Variants in SORCS3 observed in about 807,000 individuals in gnomAD.
The protein encoded by SORCS3 is sortilin related VPS10 domain containing receptor 3, also known as VPS10 domain-containing receptor SorCS3.
SORCS3 carries 57 observed loss-of-function variants against 146.3 expected under a neutral mutation model. The observed-to-expected ratio is 0.39, with a 90% CI of 0.31 to 0.49. The LOEUF (loss-of-function observed/expected upper bound fraction) is 0.49. Ranked by LOEUF, SORCS3 falls within the 20% of genes least tolerant of loss-of-function variation. SORCS3 has a pLI of 0.92. For synonymous variants in SORCS3, 653 were observed against 618.5 expected (o/e 1.06, Z -0.83); for missense variants, 1,341 against 1,575.5 (o/e 0.85, Z 2.52).
chr10:104,866,156 G>T (rs548767380), intron 2 of SORCS3, among the ~76,000 whole-genome samples: 1 of 152,308 alleles, frequency 6.6e-6, no homozygotes, highest in African/African-American at 2.4e-5. Context: ...TAGTTTTCAT[G>T]TTCAGGTACT....
chr10:105,236,152 A>G (rs2056791985), intron 20 of SORCS3, among the ~76,000 whole-genome samples: 1 of 152,126 alleles, frequency 6.6e-6, no homozygotes, highest in South Asian at 2.1e-4. Flanking sequence ...CCAGGAAAAC[A>G]GAAGGATAGG....
intron 2 of SORCS3, among the ~76,000 whole-genome samples, chr10:104,883,977 A>G (rs10884062): frequency 0.45 from 66,345 of 146,474 alleles, 17,004 homozygotes; most frequent in African/African-American, 0.73. Context: ...CTGTGGAATG[A>G]GGGGGGGGAA....
intron 1 of SORCS3, among the ~76,000 whole-genome samples, chr10:104,735,456 G>GCTTTTTTTTTTTTTTTTTTTTTT (rs2016757194): frequency 2.9e-5 from 1 of 34,994 alleles, no homozygotes; most frequent in Non-Finnish European, 4.8e-5. Context: ...CTCACCGTCT[G>GCTTTTTTTTTTTTTTTTTTTTTT]TTTTTTTTTT....
chr10:105,079,210 C>T (rs2055607639), intron 5 of SORCS3, among the ~76,000 whole-genome samples: 2 of 152,186 alleles, frequency 1.3e-5, no homozygotes, highest in African/African-American at 4.8e-5. Context: ...ATGCTAGCTG[C>T]TACAATCAGA....
At chr10:104,695,347 G>C (rs2016162128) in intron 1 of SORCS3, among the ~76,000 whole-genome samples, 2 of 151,582 alleles carry the variant, frequency 1.3e-5, no homozygotes. Context: ...TTTGCTGGGG[G>C]GTTAGGAAAC....
intron 6 of SORCS3, among the ~76,000 whole-genome samples, chr10:105,099,930 C>A (rs1355976119): frequency 6.6e-6 from 1 of 152,168 alleles, no homozygotes; most frequent in East Asian, 1.9e-4. Flanking sequence ...CTTCCTGGAA[C>A]CTCAGGATGT....
At chr10:105,162,960 G>A (rs961312517) in intron 11 of SORCS3, among the ~76,000 whole-genome samples, 2 of 152,022 alleles carry the variant, frequency 1.3e-5, no homozygotes, top group Non-Finnish European at 2.9e-5. Flanking sequence ...TAAGCGACTC[G>A]AGTTGATATT....
chr10:104,815,664 GAC>G (rs2017789450), intron 1 of SORCS3, among the ~76,000 whole-genome samples: 1 of 151,252 alleles, frequency 6.6e-6, no homozygotes. Context: ...ATACTAAATA[GAC>G]ACACTTTTTT....
intron 1 of SORCS3, among the ~76,000 whole-genome samples, chr10:104,829,147 C>A (rs1188050644): frequency 3.3e-5 from 5 of 152,068 alleles, no homozygotes. Context: ...GATGCCATAT[C>A]AAAGAAACAT....
Position 104,932,899 on chromosome 10 carries a change from A to C in SORCS3, c.795+16967A>C, listed in dbSNP as rs200819605. ...TTTTCTTTTGTTCTTTTCTTTCTTTATTTATTTTTAAAATAGAGACAGGGT... is the reference window on the plus strand; with the variant it reads ...TTTTCTTTTGTTCTTTTCTTTCTTTCTTTATTTTTAAAATAGAGACAGGGT... On this transcript the variant is annotated intron_variant, in intron 3 of 26. Coordinates refer to ENST00000369701, the MANE Select transcript of SORCS3 (RefSeq NM_014978.3). Among the ~76,000 whole-genome samples, 26 of 151,746 alleles carry C rather than the reference A, an allele frequency of 1.7e-4. 1 individual carries two copies. Among genetic ancestry groups the C allele is most frequent in the Middle Eastern group, 3.4e-3 (1 of 294 alleles).
At chr10:105,168,084 C>A (rs2056329144) in intron 13 of SORCS3, among the ~76,000 whole-genome samples, 1 of 151,820 alleles carries the variant, frequency 6.6e-6, no homozygotes, top group African/African-American at 2.4e-5. Flanking sequence ...TAAAAAACAA[C>A]CTAGGATTAA....
At chr10:104,644,181 C>G (rs2133233664) in intron 1 of SORCS3, among the ~76,000 whole-genome samples, 1 of 152,346 alleles carries the variant, frequency 6.6e-6, no homozygotes, top group South Asian at 2.1e-4. Flanking sequence ...AATGTATGAA[C>G]AGCCCACAGG....
At chr10:104,840,586 A>G (rs530842692) in intron 1 of SORCS3, among the ~76,000 whole-genome samples, 1 of 152,338 alleles carries the variant, frequency 6.6e-6, no homozygotes, top group East Asian at 1.9e-4. Flanking sequence ...TGGCCAGAAT[A>G]TCATAGTCAT....
chr10:105,221,672 A>C (rs1006377108), intron 19 of SORCS3, among the ~76,000 whole-genome samples: 2 of 152,180 alleles, frequency 1.3e-5, no homozygotes, highest in African/African-American at 4.8e-5. Flanking sequence ...CCAGGGAAGC[A>C]AATAAGGACG....
chr10:104,806,010 G>C (rs893607704), intron 1 of SORCS3, among the ~76,000 whole-genome samples: 4 of 152,192 alleles, frequency 2.6e-5, no homozygotes, highest in Non-Finnish European at 5.9e-5. Context: ...ATGGAATGGA[G>C]CAAGTGTTGG....
chr10:104,770,560 C>G (rs2017236183), intron 1 of SORCS3, among the ~76,000 whole-genome samples: 1 of 152,076 alleles, frequency 6.6e-6, no homozygotes, highest in Non-Finnish European at 1.5e-5. Flanking sequence ...GGGTTCACAC[C>G]TGGAATCCCA....
intron 3 of SORCS3, among the ~76,000 whole-genome samples, chr10:104,950,813 T>G (rs954220318): frequency 1.3e-5 from 2 of 152,194 alleles, no homozygotes; most frequent in East Asian, 3.8e-4. Flanking sequence ...CAACGAAGAT[T>G]CCGGTTGATT....
intron 7 of SORCS3, among the ~76,000 whole-genome samples, chr10:105,134,639 T>C (rs2133774752): frequency 6.6e-6 from 1 of 152,068 alleles, no homozygotes; most frequent in Middle Eastern, 3.4e-3. Flanking sequence ...GAAGCCCTCA[T>C]GGCCTAATCA....
intron 3 of SORCS3, among the ~76,000 whole-genome samples, chr10:104,930,394 T>A (rs554047678): frequency 1.3e-5 from 2 of 152,198 alleles, no homozygotes; most frequent in Non-Finnish European, 2.9e-5. Context: ...CTTAGATGGG[T>A]ACCATGACCC....
Sources: gnomAD v4.1 joint callset for allele counts (sites outside exome capture counted in the v4.1 genomes callset) on GRCh38, gnomAD v4.1.1 for gene constraint, MANE v1.5 for transcripts, NCBI Gene and HGNC (gene_info 2026-07-23, HGNC 2026-07-21) for gene names.